Variants in PLS1 observed in about 807,000 individuals in gnomAD.
The protein encoded by PLS1 is plastin 1.
PLS1 carries 32 observed loss-of-function variants against 73.7 expected under a neutral mutation model. The ratio of observed to expected loss-of-function variants is 0.43; its 90% CI spans 0.33 to 0.58. The LOEUF is 0.58. Ranked by LOEUF, PLS1 falls within the 20% of genes least tolerant of loss-of-function variation. PLS1 has a pLI of 0.04. For synonymous variants in PLS1, 217 were observed against 261.3 expected (o/e 0.83, Z 1.63); for missense variants, 633 against 740.5 (o/e 0.85, Z 1.68).
chr3:142,641,328 T>C (rs896321022), intron 1 of PLS1, among the ~76,000 whole-genome samples: 3 of 147,606 alleles, frequency 2.0e-5, no homozygotes, highest in Non-Finnish European at 4.5e-5. Context: ...TGTTAAGTAA[T>C]ATTTGGTCAT....
intron 1 of PLS1, among the ~76,000 whole-genome samples, chr3:142,620,435 A>C (rs1190811845): frequency 1.3e-5 from 2 of 152,142 alleles, no homozygotes; most frequent in Non-Finnish European, 2.9e-5. Context: ...CCTGAGAAGT[A>C]GACTGTTTTT....
In PLS1 at chr3:142,651,137, T is replaced by C. The variant is rs1019598181; in HGVS notation, c.-36-13065T>C. 2.0e-5 allele frequency among the ~76,000 whole-genome samples: 3 copies of C among 152,120 alleles called. No individual in the cohort carries two copies. The East Asian group carries it at 5.8e-4, about 29-fold the overall frequency. ...TTTGACAGAAGCATTTCTTTTTCTT[T>C]TTTCTTTTCTCTTTTCTTTACTTTT... On this transcript the variant is annotated intron_variant, in intron 1 of 15. Coordinates refer to ENST00000457734, the MANE Select transcript of PLS1 (RefSeq NM_001145319.2).
Position 142,686,279 on chromosome 3 carries a change from T to C in PLS1, c.889-5T>C. Reference sequence around the variant, plus strand: ...AAAAATGCTATTTCATATCTTTCCTTGAAGGACTCGAGAGCCTATTTTCAT... The same window carrying C: ...AAAAATGCTATTTCATATCTTTCCTCGAAGGACTCGAGAGCCTATTTTCAT... On this transcript the variant is annotated splice_polypyrimidine_tract_variant and splice_region_variant and intron_variant, in intron 8 of 15. Coordinates refer to ENST00000457734, the MANE Select transcript of PLS1 (RefSeq NM_001145319.2). 6.4e-7 allele frequency: 1 copy of C among 1,559,052 alleles called. No individual in the cohort carries two copies. The highest frequency in any genetic ancestry group is 8.8e-7 in the Non-Finnish European group (1 of 1,131,686).
intron 1 of PLS1, among the ~76,000 whole-genome samples, chr3:142,603,780 A>AT (rs1371255295): frequency 2.0e-5 from 3 of 151,860 alleles, no homozygotes; most frequent in African/African-American, 7.3e-5. Flanking sequence ...AAAAAAAAAA[A>AT]AAAATACCTA....
intron 1 of PLS1, among the ~76,000 whole-genome samples, chr3:142,624,607 C>CTT (rs2036381586): frequency 1.3e-5 from 2 of 152,160 alleles, no homozygotes; most frequent in Non-Finnish European, 2.9e-5. Context: ...TAAAAGAGGC[C>CTT]AGCTTTTAAA....
At chr3:142,663,223 TAAA>T (rs1416990984) in intron 1 of PLS1, among the ~76,000 whole-genome samples, 1 of 151,466 alleles carries the variant, frequency 6.6e-6, no homozygotes, top group South Asian at 2.1e-4. Context: ...GCAGAAAAAA[TAAA>T]AAAAGAAAGT....
chr3:142,614,625 G>A (rs2036182399), intron 1 of PLS1, among the ~76,000 whole-genome samples: 1 of 152,182 alleles, frequency 6.6e-6, no homozygotes, highest in South Asian at 2.1e-4. Flanking sequence ...GAGCCACAGA[G>A]GACATGTGTC....
chr3:142,712,419 GTTTAA>G lies in PLS1; in HGVS notation c.*414_*418del, dbSNP rs1268979649. 2 of 157,962 alleles carry G rather than the reference GTTTAA, an allele frequency of 1.3e-5. No individual in the cohort carries two copies. Among genetic ancestry groups the G allele is most frequent in the African/African-American group, 4.8e-5 (2 of 41,616 alleles). The allele number at this position is 157,962 out of a possible 1,614,324, so 9.8% of individuals were successfully genotyped here. On this transcript the variant is annotated 3_prime_UTR_variant, in exon 16 of 16. Coordinates refer to ENST00000457734, the MANE Select transcript of PLS1 (RefSeq NM_001145319.2). ...TAAATGCATTCATACTCATAATCCA[GTTTAA>G]TCCTTTTATTTGCTTCCTCCAACTA... is the stretch of plus-strand genomic sequence containing the variant.
At chr3:142,648,572 G>C (rs187087953) in intron 1 of PLS1, among the ~76,000 whole-genome samples, 1 of 152,238 alleles carries the variant, frequency 6.6e-6, no homozygotes, top group Non-Finnish European at 1.5e-5. Flanking sequence ...CATTATTATG[G>C]TCAACTGGAA....
At chr3:142,702,335 T>C (rs919341840) in intron 12 of PLS1, among the ~76,000 whole-genome samples, 5 of 152,246 alleles carry the variant, frequency 3.3e-5, no homozygotes, top group Non-Finnish European at 5.9e-5. Flanking sequence ...TGTAGTAAAT[T>C]GAACTTTGGG....
chr3:142,621,901 G>A (rs2036322468), intron 1 of PLS1, among the ~76,000 whole-genome samples: 1 of 152,138 alleles, frequency 6.6e-6, no homozygotes, highest in African/African-American at 2.4e-5. Flanking sequence ...ATCCGTAAGT[G>A]GTCTCCTTGA....
At chr3:142,695,349 C>G (rs1327450580) in intron 11 of PLS1, among the ~76,000 whole-genome samples, 1 of 152,176 alleles carries the variant, frequency 6.6e-6, no homozygotes, top group African/African-American at 2.4e-5. Context: ...GTAATTTCTG[C>G]TCCTTGGTGT....
At chr3:142,664,455 T>C in intron 2 of PLS1, 148 bp downstream of exon 2, 1 of 523,864 alleles carries the variant, frequency 1.9e-6, no homozygotes, top group Non-Finnish European at 3.4e-6. Context: ...CTGGATTCTT[T>C]CTTTCTGAAA....
rs529102029 is a variant in PLS1, at chr3:142,696,104, T to C, written c.1256+1557T>C. 3.3e-5 allele frequency among the ~76,000 whole-genome samples: 5 copies of C among 152,366 alleles called. No individual in the cohort carries two copies. In the East Asian group the frequency reaches 9.6e-4, roughly 29 times the overall value. ...CCACCGTGCCCAAGACTTTTACTTTTAATCTTAGTAACTTAAACATGATTG... is the reference window on the plus strand; with the variant it reads ...CCACCGTGCCCAAGACTTTTACTTTCAATCTTAGTAACTTAAACATGATTG... On this transcript the variant is annotated intron_variant, in intron 11 of 15. Coordinates refer to ENST00000457734, the MANE Select transcript of PLS1 (RefSeq NM_001145319.2).
At chr3:142,687,809 T>A (rs1459966316) in intron 9 of PLS1, among the ~76,000 whole-genome samples, 3 of 152,138 alleles carry the variant, frequency 2.0e-5, no homozygotes, top group Non-Finnish European at 2.9e-5. Context: ...TATCATACCT[T>A]AAAAAAATTA....
At chr3:142,673,929 T>G (rs998854600) in intron 4 of PLS1, 5 of 152,216 alleles carry the variant, frequency 3.3e-5, no homozygotes, top group African/African-American at 1.2e-4. Flanking sequence ...TTTTGTCCAT[T>G]TAAAAAATTA....
Position 142,694,575 on chromosome 3 carries a change from A to G in PLS1, c.1256+28A>G, listed in dbSNP as rs146863480. 3.8e-5 allele frequency: 50 copies of G among 1,302,192 alleles called. No homozygotes were observed. The African/African-American group carries it at 5.7e-4, about 15-fold the overall frequency. 80.7% of individuals were successfully genotyped at this position (1,302,192 alleles called of 1,614,324 possible). A position where few individuals can be genotyped will look rare whatever the true frequency, so the allele number is the denominator to read the frequency against. ...AAATATTTTATTGTGCTTCAGCTTTACTGTCAGGGTCCAACTTTTCAAGTT... is the reference window on the plus strand; with the variant it reads ...AAATATTTTATTGTGCTTCAGCTTTGCTGTCAGGGTCCAACTTTTCAAGTT... On this transcript the variant is annotated intron_variant, in intron 11 of 15. Coordinates refer to ENST00000457734, the MANE Select transcript of PLS1 (RefSeq NM_001145319.2).
chr3:142,662,113 A>G (rs890603494), intron 1 of PLS1, among the ~76,000 whole-genome samples: 3 of 152,178 alleles, frequency 2.0e-5, no homozygotes, highest in African/African-American at 7.2e-5. Flanking sequence ...ACACATGCAC[A>G]CGTATGTTTA....
At chr3:142,670,712 G>GT (rs2037586902) in intron 3 of PLS1, among the ~76,000 whole-genome samples, 1 of 152,192 alleles carries the variant, frequency 6.6e-6, no homozygotes. Flanking sequence ...TATTTCTTAG[G>GT]TTTTCAGTAC....
Sources: allele counts gnomAD v4.1 joint callset (sites outside exome capture counted in the v4.1 genomes callset), GRCh38; gene constraint gnomAD v4.1.1; transcripts MANE v1.5; gene names NCBI Gene and HGNC (gene_info 2026-07-23, HGNC 2026-07-21).